FAM117B: variants seen among roughly 807,000 people sequenced by gnomAD.
FAM117B encodes the protein family with sequence similarity 117 member B.
In FAM117B, 22 loss-of-function variants were observed where a neutral mutation model predicts 52.8. The ratio of observed to expected loss-of-function variants is 0.42; its 90% CI spans 0.30 to 0.59. The LOEUF (loss-of-function observed/expected upper bound fraction) is 0.59. Ranked by LOEUF, FAM117B falls within the 20% of genes least tolerant of loss-of-function variation. The pLI, the probability that FAM117B is intolerant of heterozygous loss-of-function variation, is 0.22. For missense variants in FAM117B, 678 were observed against 802.6 expected, an observed-to-expected ratio of 0.84 and a Z score of 1.88; for synonymous variants, 309 against 324.1, an observed-to-expected ratio of 0.95 and a Z score of 0.50.
rs1163644970 is a variant in FAM117B at position 202,767,652 on chromosome 2, A to T, written c.*1888A>T. ...GGTTAATATGTCAGCTTACCCAGACATATTCTATCAAGGAAAACCTAGTGG... is the reference window on the plus strand; with the variant it reads ...GGTTAATATGTCAGCTTACCCAGACTTATTCTATCAAGGAAAACCTAGTGG... On this transcript the variant is annotated 3_prime_UTR_variant, in exon 8 of 8. Coordinates refer to ENST00000392238, the MANE Select transcript of FAM117B (RefSeq NM_173511.4). The T allele has an allele frequency of 1.3e-5, 2 of 152,212 alleles. No individual in the cohort carries two copies. Among genetic ancestry groups the T allele is most frequent in the Admixed American group, 1.3e-4 (2 of 15,274 alleles). The allele number at this position is 152,212 out of a possible 1,614,324, so 9.4% of individuals were successfully genotyped here.
intron 2 of FAM117B, among the ~76,000 whole-genome samples, chr2:202,708,235 C>T (rs1036254109): frequency 3.3e-5 from 5 of 152,142 alleles, no homozygotes; most frequent in African/African-American, 1.2e-4. Context: ...CTCTCCATCC[C>T]CCCAGTCCCT....
At chr2:202,679,478 G>A (rs983640740) in intron 1 of FAM117B, among the ~76,000 whole-genome samples, 1 of 152,192 alleles carries the variant, frequency 6.6e-6, no homozygotes, top group Non-Finnish European at 1.5e-5. Context: ...TAGAATGTGT[G>A]TACAGTGAAA....
At chr2:202,735,933 C>T (rs1452830338) in intron 4 of FAM117B, among the ~76,000 whole-genome samples, 1 of 152,148 alleles carries the variant, frequency 6.6e-6, no homozygotes, top group Non-Finnish European at 1.5e-5. Context: ...ATCCCTACCC[C>T]CGAGGTAAGA....
intron 1 of FAM117B, among the ~76,000 whole-genome samples, chr2:202,684,895 C>T (rs200811218): frequency 6.6e-6 from 1 of 151,846 alleles, no homozygotes; most frequent in Non-Finnish European, 1.5e-5. Flanking sequence ...CTTTATAGAA[C>T]AAATAACTAC....
intron 1 of FAM117B, among the ~76,000 whole-genome samples, chr2:202,690,363 CAAAG>C (rs2105774207): frequency 6.6e-6 from 1 of 152,116 alleles, no homozygotes; most frequent in Admixed American, 6.5e-5. Flanking sequence ...AGGAAATTAA[CAAAG>C]AAAATTAATT....
intron 1 of FAM117B, among the ~76,000 whole-genome samples, chr2:202,637,904 T>C (rs1410463102): frequency 6.8e-6 from 1 of 147,346 alleles, no homozygotes; most frequent in Non-Finnish European, 1.5e-5. Flanking sequence ...TAAGATGGAG[T>C]CTCACTCTGT....
intron 1 of FAM117B, among the ~76,000 whole-genome samples, chr2:202,687,841 T>G (rs139939356): frequency 7.9e-4 from 120 of 152,340 alleles, no homozygotes; most frequent in Middle Eastern, 3.4e-3. Context: ...TTTGGTTAAA[T>G]CAATCATTTT....
chr2:202,679,722 G>T (rs573032925), intron 1 of FAM117B, among the ~76,000 whole-genome samples: 2 of 152,158 alleles, frequency 1.3e-5, no homozygotes, highest in African/African-American at 2.4e-5. Flanking sequence ...TCAAGTTGAT[G>T]AACAGGTTAC....
chr2:202,665,561 C>T (rs920980438), intron 1 of FAM117B, among the ~76,000 whole-genome samples: 1 of 152,040 alleles, frequency 6.6e-6, no homozygotes, highest in African/African-American at 2.4e-5. Flanking sequence ...TGTGATATCT[C>T]GTTGTGTTTT....
At chr2:202,741,912 A>G (rs1691548293) in intron 4 of FAM117B, among the ~76,000 whole-genome samples, 1 of 152,202 alleles carries the variant, frequency 6.6e-6, no homozygotes. Context: ...AACAGCAACC[A>G]GCTAGAAGAC....
At chr2:202,700,888 C>T (rs1690786794) in intron 2 of FAM117B, among the ~76,000 whole-genome samples, 1 of 152,080 alleles carries the variant, frequency 6.6e-6, no homozygotes, top group Non-Finnish European at 1.5e-5. Context: ...TTTGTAGAGA[C>T]AGGATCTTGC....
chr2:202,726,497 C>T, intron 4 of FAM117B, 134 bp downstream of exon 4: 1 of 627,928 alleles, frequency 1.6e-6, no homozygotes, highest in Non-Finnish European at 2.8e-6. Context: ...TACTGAATCA[C>T]AGTCTTTATA....
At chr2:202,653,558 A>T (rs907430785) in intron 1 of FAM117B, among the ~76,000 whole-genome samples, 9 of 151,692 alleles carry the variant, frequency 5.9e-5, no homozygotes, top group Admixed American at 4.6e-4. Context: ...GTATCACTGG[A>T]TTTTGTCTGT....
intron 1 of FAM117B, among the ~76,000 whole-genome samples, chr2:202,648,143 A>T (rs1689897187): frequency 6.6e-6 from 1 of 152,162 alleles, no homozygotes; most frequent in South Asian, 2.1e-4. Context: ...TGTTTGTCTC[A>T]GTTCATTCTT....
intron 4 of FAM117B, among the ~76,000 whole-genome samples, chr2:202,754,013 A>G (rs1247850608): frequency 6.6e-6 from 1 of 152,226 alleles, no homozygotes; most frequent in African/African-American, 2.4e-5. Flanking sequence ...TGACCCAGCA[A>G]TCCCATTACT....
intron 1 of FAM117B, among the ~76,000 whole-genome samples, chr2:202,644,690 G>A (rs530398483): frequency 5.3e-5 from 8 of 152,282 alleles, no homozygotes; most frequent in Admixed American, 1.3e-4. Flanking sequence ...TATACTTGCC[G>A]GTTTGACTGG....
intron 4 of FAM117B, among the ~76,000 whole-genome samples, chr2:202,748,193 A>C (rs983206627): frequency 1.3e-5 from 2 of 152,218 alleles, no homozygotes; most frequent in Admixed American, 1.3e-4. Flanking sequence ...GGAGGAAAGA[A>C]CATCTTCAAT....
rs1338860648 is a variant in FAM117B at position 202,719,536 on chromosome 2, C to T, written c.754-5381C>T. On this transcript the variant is annotated intron_variant, in intron 2 of 7. Coordinates refer to ENST00000392238, the MANE Select transcript of FAM117B (RefSeq NM_173511.4). Reference sequence around the variant, plus strand: ...GTATGTACAATTATGTTATAATTTGCTAATCGTTAGTAAGTTGCAGACATT... The same window carrying T: ...GTATGTACAATTATGTTATAATTTGTTAATCGTTAGTAAGTTGCAGACATT... Among the ~76,000 whole-genome samples the T allele has an allele frequency of 2.0e-5, 3 of 152,142 alleles. No homozygotes were observed. The East Asian group carries it at 5.8e-4, about 29-fold the overall frequency.
intron 4 of FAM117B, among the ~76,000 whole-genome samples, chr2:202,744,869 C>T (rs1477980068): frequency 2.0e-5 from 3 of 148,298 alleles, no homozygotes; most frequent in South Asian, 2.1e-4. Context: ...CCCAGCTACT[C>T]GGGAGTCTGA....
Sources: allele counts gnomAD v4.1 joint callset (sites outside exome capture counted in the v4.1 genomes callset), GRCh38; gene constraint gnomAD v4.1.1; transcripts MANE v1.5; gene names NCBI Gene and HGNC (gene_info 2026-07-23, HGNC 2026-07-21).